ASS1: variants seen among roughly 807,000 people sequenced by gnomAD.
The protein encoded by ASS1 is argininosuccinate synthase 1, also known as argininosuccinate synthase.
In ASS1, 58 loss-of-function variants were observed where a neutral mutation model predicts 60.5. That is an observed-to-expected ratio of 0.96 (90% confidence interval 0.78 to 1.19). The LOEUF (loss-of-function observed/expected upper bound fraction) is 1.19, where lower values mean the gene tolerates loss of function less well. Among genes scored for constraint, ASS1 ranks in the 50% most tolerant of loss-of-function variants. The pLI, the probability that ASS1 is intolerant of heterozygous loss-of-function variation, is 0.00. For missense variants in ASS1, 454 were observed against 547.3 expected, an observed-to-expected ratio of 0.83 and a Z score of 1.70; for synonymous variants, 200 against 206.9, an observed-to-expected ratio of 0.97 and a Z score of 0.29.
At chr9:130,452,143 C>A in intron 1 of ASS1, 81 bp from the exon 2 acceptor site, 1 of 1,238,510 alleles carries the variant, frequency 8.1e-7, no homozygotes. Flanking sequence ...AGGCCAAGGT[C>A]GGGGCTGGGC....
chr9:130,462,491 G>A (rs542717019), intron 4 of ASS1, among the ~76,000 whole-genome samples: 10 of 152,238 alleles, frequency 6.6e-5, no homozygotes, highest in East Asian at 1.9e-4. Context: ...CCAAGGAAGC[G>A]TTTGTTTGGC....
At chr9:130,454,722 A>G (rs1845400398) in intron 3 of ASS1, among the ~76,000 whole-genome samples, 1 of 151,652 alleles carries the variant, frequency 6.6e-6, no homozygotes, top group African/African-American at 2.4e-5. Flanking sequence ...TTAGCTATCC[A>G]TCGATCCATC....
At chr9:130,499,367 C>T (rs897011796) in intron 13 of ASS1, 138 bp from the exon 14 acceptor site, 20 of 875,620 alleles carry the variant, frequency 2.3e-5, no homozygotes, top group African/African-American at 3.3e-5. Flanking sequence ...GGAAAGCCGA[C>T]GTGCAGGGAG....
chr9:130,484,832 T>TGC (rs1218069579), intron 11 of ASS1, among the ~76,000 whole-genome samples: 30 of 142,076 alleles, frequency 2.1e-4, no homozygotes, highest in Admixed American at 5.5e-4. Context: ...CACACACACG[T>TGC]GCGCGCGCGC....
chr9:130,449,149 A>T (rs1845267741), intron 1 of ASS1, among the ~76,000 whole-genome samples: 1 of 151,996 alleles, frequency 6.6e-6, no homozygotes, highest in Admixed American at 6.5e-5. Flanking sequence ...TGGGCAATGT[A>T]GTGAAACCCC....
rs1846080193 is a variant in ASS1 at position 130,478,585 on chromosome 9, T to C, written c.689-1131T>C. On this transcript the variant is annotated intron_variant, in intron 9 of 14. Transcript: ENST00000352480. The surrounding 1 kb of genome is among the most constrained non-coding windows in gnomAD (Gnocchi z 4.7). ...AATTTATTTGAAGTTTTAATCTAATTATTAACTATTTTAAAGGCTAAGAGG... is the reference window on the plus strand; with the variant it reads ...AATTTATTTGAAGTTTTAATCTAATCATTAACTATTTTAAAGGCTAAGAGG... Among the ~76,000 whole-genome samples, 2 of 152,182 alleles carry C rather than the reference T, an allele frequency of 1.3e-5. No homozygotes were observed. The highest frequency in any genetic ancestry group is 1.3e-4 in the Admixed American group (2 of 15,284).
intron 8 of ASS1, among the ~76,000 whole-genome samples, chr9:130,475,576 G>A (rs376237471): frequency 2.0e-5 from 3 of 152,038 alleles, no homozygotes; most frequent in African/African-American, 7.3e-5. Context: ...CAAGTCCCAC[G>A]TGGTCTCTGC....
chr9:130,489,237 T>G lies in ASS1; in HGVS notation c.839-96T>G. ...TTGTCTCCTGTCAGACGACTCATTA[T>G]TATTATTATTTTTTTTTTTGTCATT... On this transcript the variant is annotated intron_variant, in intron 11 of 14. Coordinates refer to ENST00000352480, the MANE Select transcript of ASS1 (RefSeq NM_054012.4). This position sits in a 1 kb window ranked among gnomAD's most constrained non-coding sequence, Gnocchi z 4.1. 2.0e-6 allele frequency: 3 copies of G among 1,503,088 alleles called. No individual in the cohort carries two copies. The highest frequency in any genetic ancestry group is 2.7e-6 in the Non-Finnish European group (3 of 1,094,040). The allele number at this position is 1,503,088 out of a possible 1,614,324, so 93.1% of individuals were successfully genotyped here. A position where few individuals can be genotyped will look rare whatever the true frequency, so the allele number is the denominator to read the frequency against.
chr9:130,449,203 T>C (rs555353620), intron 1 of ASS1, among the ~76,000 whole-genome samples: 1 of 152,182 alleles, frequency 6.6e-6, no homozygotes, highest in East Asian at 1.9e-4. Context: ...TGGTGGCATG[T>C]GCCTGTAGTC....
chr9:130,499,540 C>G lies in ASS1; in HGVS notation c.1163C>G (p.Ala388Gly). 1.2e-6 allele frequency: 2 copies of G among 1,613,824 alleles called. No individual in the cohort carries two copies. Among genetic ancestry groups the G allele is most frequent in the Non-Finnish European group, 1.7e-6 (2 of 1,179,912 alleles). The change falls in exon 14 of 15, where the codon GCC becomes GGC. Residue 388 changes from alanine (A) to glycine (G), a missense_variant. Coordinates refer to ENST00000352480, the MANE Select transcript of ASS1 (RefSeq NM_054012.4). ...CAGGGTGATTATGAGCCAACTGATG[C>G]CACCGGGTTCATCAACATCAATTCC... ...NVQGDYEPTD[A>G]TGFININSLR...
At chr9:130,484,689 A>G (rs558251340) in intron 11 of ASS1, among the ~76,000 whole-genome samples, 1 of 151,514 alleles carries the variant, frequency 6.6e-6, no homozygotes, top group East Asian at 1.9e-4. Context: ...CCCCAAATTC[A>G]TAGTCTTTTA....
In ASS1 at chr9:130,470,851, C is replaced by T. The variant is rs1322818918; in HGVS notation, c.513C>T (p.Ile171=). ...TCCTGCAGCAACACGGGATTCCCATCCCGGTCACTCCCAAGAACCCGTGGA... is the reference window on the plus strand; with the variant it reads ...TCCTGCAGCAACACGGGATTCCCATTCCGGTCACTCCCAAGAACCCGTGGA... ...MEYAKQHGIP[I]PVTPKNPWSM... is the part of the protein sequence containing the mutation. Residue 171 remains isoleucine, a synonymous_variant, in exon 7 of 15, where the codon ATC becomes ATT. Coordinates refer to ENST00000352480, the MANE Select transcript of ASS1 (RefSeq NM_054012.4). The surrounding 1 kb of genome is among the most constrained non-coding windows in gnomAD (Gnocchi z 4.3). The T allele has an allele frequency of 2.5e-6, 4 of 1,614,002 alleles. No individual in the cohort carries two copies. Among genetic ancestry groups the T allele is most frequent in the Non-Finnish European group, 3.4e-6 (4 of 1,180,016 alleles).
chr9:130,449,485 C>T (rs1485183593), intron 1 of ASS1, among the ~76,000 whole-genome samples: 1 of 152,136 alleles, frequency 6.6e-6, no homozygotes, highest in Non-Finnish European at 1.5e-5. Context: ...CTCCAGGTGC[C>T]TCTGGGAGGA....
rs1846606776 is a variant in ASS1 at position 130,496,547 on chromosome 9, C to T, written c.1127+1524C>T. Among the ~76,000 whole-genome samples the T allele has an allele frequency of 3.4e-5, 5 of 148,698 alleles. No homozygotes were observed. The South Asian group carries it at 1.1e-3, about 32-fold the overall frequency. On this transcript the variant is annotated intron_variant, in intron 13 of 14. Coordinates refer to ENST00000352480, the MANE Select transcript of ASS1 (RefSeq NM_054012.4). ...TGGAGGCTGCAGTGAGCCAGGATTG[C>T]ACCGCTGCACTCTAACCTTAGTAAC...
At chr9:130,472,666 C>A (rs1042585054) in intron 8 of ASS1, among the ~76,000 whole-genome samples, 8 of 152,158 alleles carry the variant, frequency 5.3e-5, no homozygotes, top group Non-Finnish European at 1.2e-4. Context: ...GGCTGATGGC[C>A]CCTGTGTGTG....
chr9:130,450,395 G>C, intron 1 of ASS1: 1 of 962,540 alleles, frequency 1.0e-6, no homozygotes, highest in Non-Finnish European at 1.2e-6. Flanking sequence ...ATCCTGCATG[G>C]CCAATTGCCT....
chr9:130,490,940 C>T (rs1846433906), intron 12 of ASS1, among the ~76,000 whole-genome samples: 1 of 152,184 alleles, frequency 6.6e-6, no homozygotes, highest in African/African-American at 2.4e-5. Flanking sequence ...CCGATCCTCA[C>T]ATCTTCGGGG....
chr9:130,451,259 G>A (rs540922517), intron 1 of ASS1, among the ~76,000 whole-genome samples: 1 of 152,158 alleles, frequency 6.6e-6, no homozygotes, highest in South Asian at 2.1e-4. Context: ...CGGAGGGTGG[G>A]GCAGGATGGG....
chr9:130,483,863 TC>T (rs1465627832), intron 11 of ASS1, among the ~76,000 whole-genome samples: 1 of 145,520 alleles, frequency 6.9e-6, no homozygotes, highest in Non-Finnish European at 1.5e-5. Context: ...TCCTCCCCAT[TC>T]CCCACTCTCC....
Sources: allele counts gnomAD v4.1 joint callset (sites outside exome capture counted in the v4.1 genomes callset), GRCh38; gene constraint gnomAD v4.1.1; non-coding constraint Gnocchi (gnomAD v3.1); transcripts MANE v1.5; gene names NCBI Gene and HGNC (gene_info 2026-07-23, HGNC 2026-07-21).